The following PAPLN variants were observed in gnomAD, a reference collection of about 807,000 sequenced individuals.
The protein encoded by PAPLN is papilin.
In PAPLN, 146 loss-of-function variants were observed where a neutral mutation model predicts 159.0. The ratio of observed to expected loss-of-function variants is 0.92; its 90% confidence interval spans 0.80 to 1.05. The LOEUF is 1.05. Among genes scored for constraint, PAPLN ranks in the 50% least tolerant of loss-of-function variants. PAPLN has a pLI of 0.00. For missense variants in PAPLN, 1,720 were observed against 1,743.9 expected (o/e 0.99, Z 0.24); for synonymous variants, 734 against 702.9 (o/e 1.04, Z -0.70).
In PAPLN at chr14:73,264,196, C is replaced by A; in HGVS notation, c.2862-15C>A. The A allele has an allele frequency of 6.2e-7, 1 of 1,613,252 alleles. No homozygotes were observed. The highest frequency in any genetic ancestry group is 8.5e-7 in the Non-Finnish European group (1 of 1,179,850). On this transcript the variant is annotated splice_polypyrimidine_tract_variant and intron_variant, in intron 20 of 26. Transcript: ENST00000644200. ...GGAGCCCAGAGCTCATGTCCTCCCACACCACCCCACTCAGGCACAGGCTGC... is the reference window on the plus strand; with the variant it reads ...GGAGCCCAGAGCTCATGTCCTCCCAAACCACCCCACTCAGGCACAGGCTGC...
At chr14:73,237,938 C>T (rs1393350738) in intron 1 of PAPLN, among the ~76,000 whole-genome samples, 1 of 152,186 alleles carries the variant, frequency 6.6e-6, no homozygotes, top group Non-Finnish European at 1.5e-5. Context: ...GCGCCCCTCC[C>T]GGGAGGTGCC....
In PAPLN at chr14:73,252,498, A is replaced by G. The variant is rs1346487742; in HGVS notation, c.968-151A>G. Reference sequence around the variant, plus strand: ...AGAGCCTCAGTTTCCTCATCTGCCAATTGGAGATGTGGTGGCACCTGCCTC... The same window carrying G: ...AGAGCCTCAGTTTCCTCATCTGCCAGTTGGAGATGTGGTGGCACCTGCCTC... On this transcript the variant is annotated intron_variant, in intron 10 of 26. Transcript: ENST00000644200. 6 of 1,061,168 alleles carry G rather than the reference A, an allele frequency of 5.7e-6. No individual in the cohort carries two copies. The East Asian group carries it at 8.2e-5, about 14-fold the overall frequency. The allele number at this position is 1,061,168 out of a possible 1,614,324, so 65.7% of individuals were successfully genotyped here.
chr14:73,263,517 A>C, intron 19 of PAPLN, 128 bp from the exon 20 acceptor site: 15 of 1,216,368 alleles, frequency 1.2e-5, no homozygotes, highest in Non-Finnish European at 1.8e-5. Context: ...TCCCATAGGG[A>C]CCCTCTAGCC....
intron 1 of PAPLN, among the ~76,000 whole-genome samples, chr14:73,238,687 C>T (rs564708190): frequency 6.6e-6 from 1 of 152,342 alleles, no homozygotes; most frequent in South Asian, 2.1e-4. Context: ...CACCCTCCAA[C>T]CCCAGGAATC....
chr14:73,253,256 G>A (rs1277386736), intron 11 of PAPLN: 1 of 1,356,190 alleles, frequency 7.4e-7, no homozygotes, highest in East Asian at 4.5e-5. Flanking sequence ...CTCCCCGCAG[G>A]GCTGGTGCCA....
At chr14:73,259,641 G>T (rs1199238634) in intron 16 of PAPLN, 96 bp downstream of exon 16, 2 of 1,381,170 alleles carry the variant, frequency 1.4e-6, no homozygotes, top group Non-Finnish European at 1.9e-6. Flanking sequence ...GAGGGCTGGG[G>T]TGGGTGTGCA....
At chr14:73,267,781 C>T (rs1049252286) in intron 25 of PAPLN, among the ~76,000 whole-genome samples, 1 of 152,232 alleles carries the variant, frequency 6.6e-6, no homozygotes, top group Non-Finnish European at 1.5e-5. Context: ...AGGCCTGCTT[C>T]TCCATGTTGG....
intron 1 of PAPLN, among the ~76,000 whole-genome samples, chr14:73,237,918 T>C (rs754205335): frequency 2.0e-5 from 3 of 152,114 alleles, no homozygotes. Flanking sequence ...AGCGAGGCCC[T>C]GGAGACCGTG....
Position 73,244,742 on chromosome 14 carries a change from C to A in PAPLN, c.153C>A (p.Arg51=). 1 of 1,572,006 alleles carries A rather than the reference C, an allele frequency of 6.4e-7. No homozygotes were observed. Among genetic ancestry groups the A allele is most frequent in the Non-Finnish European group, 8.6e-7 (1 of 1,158,724 alleles). ...GAGGGGGTGTCAGCTTCCGGGAGCG[C>A]CCCTGCTACTCCCAGAGGTAGGAGA... ...TCGGGVSFRE[R]PCYSQRRDGG... is the part of the protein sequence containing the mutation. The change falls in exon 3 of 27, where the codon CGC becomes CGA. Residue 51 remains arginine, a synonymous_variant. Coordinates refer to ENST00000644200, the MANE Select transcript of PAPLN (RefSeq NM_001365906.3).
intron 10 of PAPLN, 108 bp from the exon 11 acceptor site, chr14:73,252,541 C>T: frequency 1.4e-6 from 2 of 1,413,348 alleles, no homozygotes; most frequent in East Asian, 2.5e-5. Context: ...TCATCTAAGA[C>T]TGAATGGGGA....
rs551925045 is a variant in PAPLN, at chr14:73,272,854, A to G, written c.*190A>G. On this transcript the variant is annotated 3_prime_UTR_variant, in exon 27 of 27. Transcript: ENST00000644200. ...TTACCAGCTTCTCTCTGTAGCCTTCAGCAGTGTTTGCATCTCTGACATAAC... is the reference window on the plus strand; with the variant it reads ...TTACCAGCTTCTCTCTGTAGCCTTCGGCAGTGTTTGCATCTCTGACATAAC... 2 of 481,076 alleles carry G rather than the reference A, an allele frequency of 4.2e-6. No homozygotes were observed. Among genetic ancestry groups the G allele is most frequent in the East Asian group, 3.4e-5 (1 of 29,604 alleles). 29.8% of individuals were successfully genotyped at this position (481,076 alleles called of 1,614,324 possible).
intron 26 of PAPLN, among the ~76,000 whole-genome samples, chr14:73,269,047 A>G (rs1408164036): frequency 2.6e-5 from 4 of 152,178 alleles, no homozygotes. Context: ...GACTGACTGG[A>G]ATTTCATTAT....
rs375401303 is a variant in PAPLN, at chr14:73,252,723, C to T, written c.1042C>T (p.Arg348Trp). Residue 348 changes from arginine to tryptophan, a missense_variant, in exon 11 of 27, where the codon CGG becomes TGG. Transcript: ENST00000644200. ...CGACCACATGTGCCAGCGCCAGCCA[C>T]GGCCAGCTGACCGGCGTTCCTGCAA... Reference protein sequence around the residue: ...YPDHMCQRQPRPADRRSCNLH... With the variant: ...YPDHMCQRQPWPADRRSCNLH... 213 of 1,613,462 alleles carry T rather than the reference C, an allele frequency of 1.3e-4. No homozygotes were observed. The highest frequency in any genetic ancestry group is 4.3e-4 in the South Asian group (39 of 91,090).
intron 18 of PAPLN, 146 bp from the exon 19 acceptor site, chr14:73,262,204 G>A: frequency 1.2e-6 from 1 of 827,400 alleles, no homozygotes; most frequent in Non-Finnish European, 1.9e-6. Flanking sequence ...CTGGATCCCA[G>A]GGCCAGGTCA....
At position 73,272,571 on chromosome 14, in the gene PAPLN, G is replaced by A. The variant is rs1396522859; in HGVS notation, c.3744G>A (p.Leu1248=). 3 of 1,603,736 alleles carry A rather than the reference G, an allele frequency of 1.9e-6. No individual in the cohort carries two copies. The highest frequency in any genetic ancestry group is 3.3e-5 in the Admixed American group (2 of 59,860). The stretch of plus-strand genomic sequence containing the variant: ...AGCTGGCCAACTGTGATTTGATCCT[G>A]CAGGCCCAGCTTTGTGGCAATGAGT... The part of the protein sequence containing the change: ...QPELANCDLI[L]QAQLCGNEYY... The change falls in exon 27 of 27, where the codon CTG becomes CTA. Residue 1248 remains leucine (L), a synonymous_variant. Transcript: ENST00000644200.
chr14:73,256,548 A>AAAG (rs1885936480), intron 14 of PAPLN, among the ~76,000 whole-genome samples: 2 of 151,660 alleles, frequency 1.3e-5, no homozygotes, highest in South Asian at 4.2e-4. Flanking sequence ...AAAAAAAAAA[A>AAAG]AAAGAAATAG....
intron 20 of PAPLN, 197 bp from the exon 21 acceptor site, chr14:73,264,014 A>C: frequency 7.2e-7 from 1 of 1,392,068 alleles, no homozygotes; most frequent in Non-Finnish European, 9.4e-7. Context: ...TGACAGGTTC[A>C]CGTGACAGCT....
Position 73,239,796 on chromosome 14 carries a change from C to G in PAPLN, c.18C>G (p.Leu6=). The G allele has an allele frequency of 1.9e-6, 3 of 1,594,368 alleles. No individual in the cohort carries two copies. The highest frequency in any genetic ancestry group is 2.6e-6 in the Non-Finnish European group (3 of 1,176,354). The change falls in exon 2 of 27, where the codon CTC becomes CTG. Residue 6 remains leucine, a synonymous_variant. Transcript: ENST00000644200. ...AGGCTGAGATGCGGCTGCTCCTGCT[C>G]GTGCCGCTGCTGCTGGCTCCAGCGC... MRLLL[L]VPLLLAPAPG...
At position 73,245,511 on chromosome 14, in the gene PAPLN, G is replaced by T; in HGVS notation, c.171-125G>T. On this transcript the variant is annotated intron_variant, in intron 3 of 26. Transcript: ENST00000644200. This position sits in a 1 kb window ranked among gnomAD's most constrained non-coding sequence, Gnocchi z 4.2. ...GGGGATTTACGGGGTGGGGTCGGGGGACACCCTCTCACCTTGCTGCTCCCA... is the reference window on the plus strand; with the variant it reads ...GGGGATTTACGGGGTGGGGTCGGGGTACACCCTCTCACCTTGCTGCTCCCA... 8.5e-6 allele frequency: 9 copies of T among 1,059,770 alleles called. No homozygotes were observed. Among genetic ancestry groups the T allele is most frequent in the Non-Finnish European group, 1.2e-5 (9 of 738,514 alleles). The allele number at this position is 1,059,770 out of a possible 1,614,324, so 65.6% of individuals were successfully genotyped here.
Sources: allele counts gnomAD v4.1 joint callset (sites outside exome capture counted in the v4.1 genomes callset), GRCh38; gene constraint gnomAD v4.1.1; non-coding constraint Gnocchi (gnomAD v3.1); transcripts MANE v1.5; gene names NCBI Gene and HGNC (gene_info 2026-07-23, HGNC 2026-07-21).